The following CCDC180 variants were observed in gnomAD, a reference collection of about 807,000 sequenced individuals.
CCDC180 encodes coiled-coil domain containing 180, also known as coiled-coil domain-containing protein 180.
Under a neutral mutation model 209.2 loss-of-function variants are expected in CCDC180, and 154 were observed. The observed-to-expected ratio is 0.74, with a 90% CI of 0.65 to 0.84. The LOEUF (loss-of-function observed/expected upper bound fraction) is 0.84. Among genes scored for constraint, CCDC180 ranks in the 40% least tolerant of loss-of-function variants. The probability of loss-of-function intolerance (pLI) is 0.00; values close to 1 mark genes in which losing one functional copy is unlikely to be tolerated. For missense variants in CCDC180, 1,874 were observed against 1,997.3 expected (o/e 0.94, Z 1.18); for synonymous variants, 778 against 749.1 (o/e 1.04, Z -0.63).
At chr9:97,343,639 AAGGATTGGGCTGGTATCAGTTGGATAAAG>A in intron 19 of CCDC180, 76 bp downstream of exon 19, 1 of 1,128,236 alleles carries the variant, frequency 8.9e-7, no homozygotes, top group Non-Finnish European at 1.3e-6. Context: ...AAAAAAAAAA[AAGGATTGGGCTGGTATCAGTTGGATAAAG>A]AAAAAAATGT....
chr9:97,327,598 A>G (rs545546952), intron 15 of CCDC180, among the ~76,000 whole-genome samples: 1 of 152,296 alleles, frequency 6.6e-6, no homozygotes, highest in East Asian at 1.9e-4. Context: ...TGATTGCAGT[A>G]CTTAGATTCA....
At chr9:97,317,561 T>C (rs1253368564) in intron 9 of CCDC180, among the ~76,000 whole-genome samples, 1 of 152,170 alleles carries the variant, frequency 6.6e-6, no homozygotes, top group African/African-American at 2.4e-5. Context: ...CATCCAATTA[T>C]CTGTATAATT....
intron 22 of CCDC180, among the ~76,000 whole-genome samples, chr9:97,351,243 A>G (rs1362889039): frequency 6.6e-6 from 1 of 152,222 alleles, no homozygotes; most frequent in South Asian, 2.1e-4. Context: ...CTGTTTCCAC[A>G]GCAGCTGCGC....
At chr9:97,310,569 G>C (rs1043445809) in intron 3 of CCDC180, among the ~76,000 whole-genome samples, 1 of 151,472 alleles carries the variant, frequency 6.6e-6, no homozygotes, top group Non-Finnish European at 1.5e-5. Flanking sequence ...TGGAGCAGGC[G>C]CGGTGCTCCC....
At chr9:97,323,677 G>T (rs1489211703) in intron 12 of CCDC180, 104 bp from the exon 13 acceptor site, 1 of 1,330,940 alleles carries the variant, frequency 7.5e-7, no homozygotes, top group Admixed American at 2.7e-5. Flanking sequence ...CCTTCACCTG[G>T]AGCTCAGGTC....
chr9:97,357,914 G>A, intron 25 of CCDC180, 189 bp downstream of exon 25: 1 of 525,712 alleles, frequency 1.9e-6, no homozygotes, highest in Non-Finnish European at 3.3e-6. Flanking sequence ...AGAGAAAGCA[G>A]CCACTGTTCA....
At chr9:97,343,207 A>T in intron 18 of CCDC180, 133 bp from the exon 19 acceptor site, 2 of 579,142 alleles carry the variant, frequency 3.5e-6, no homozygotes, top group Non-Finnish European at 6.1e-6. Context: ...GGGCGAAAAA[A>T]CCTAGGCAAG....
At chr9:97,326,408 T>C (rs1833535350) in intron 14 of CCDC180, 146 bp from the exon 15 acceptor site, 3 of 649,902 alleles carry the variant, frequency 4.6e-6, no homozygotes, top group Admixed American at 4.7e-5. Flanking sequence ...GGTGGCAGAT[T>C]GGGTACCCCA....
At chr9:97,316,948 T>G (rs1010817378) in intron 8 of CCDC180, 117 bp from the exon 9 acceptor site, 9 of 951,258 alleles carry the variant, frequency 9.5e-6, no homozygotes, top group African/African-American at 1.6e-5. Context: ...CCACCCCACT[T>G]GGCCCTCACC....
rs148634749 is a variant in CCDC180 at position 97,339,041 on chromosome 9, C to A, written c.2275-4299C>A. ...TCTTCCTCCATCCCTTTATTTTGAG[C>A]CTATGTGTGTCTCTGCACGTGAGAT... On this transcript the variant is annotated intron_variant, in intron 18 of 36. Coordinates refer to ENST00000529487, the MANE Select transcript of CCDC180 (RefSeq NM_020893.6). 8.0e-3 allele frequency among the ~76,000 whole-genome samples: 1,216 copies of A among 152,120 alleles called. 13 individuals are homozygous for A. The highest frequency in any genetic ancestry group is 0.028 in the African/African-American group (1,156 of 41,478).
intron 9 of CCDC180, among the ~76,000 whole-genome samples, chr9:97,317,661 G>A (rs577798580): frequency 3.9e-5 from 6 of 152,272 alleles, no homozygotes; most frequent in African/African-American, 1.4e-4. Flanking sequence ...CTCTTGGGGA[G>A]CGTGTTTCCT....
chr9:97,314,647 C>T lies in CCDC180; in HGVS notation c.618C>T (p.Ala206=), dbSNP rs199694770. The change falls in exon 7 of 37, where the codon GCC becomes GCT. Residue 206 remains alanine, a synonymous_variant. Transcript: ENST00000529487. ...TGCTGGAGCTGTGGGATAAGGTGGC[C>T]GGGCGGTTACTGCTCCGGAAGCAGG... ...QALLELWDKV[A]GRLLLRKQEI... 27 of 1,613,910 alleles carry T rather than the reference C, an allele frequency of 1.7e-5. No individual in the cohort carries two copies. Among genetic ancestry groups the T allele is most frequent in the East Asian group, 4.5e-5 (2 of 44,878 alleles).
rs773527416 is a variant in CCDC180, at chr9:97,317,185, A to T, written c.916A>T (p.Thr306Ser). Residue 306 changes from threonine to serine, a missense_variant, in exon 9 of 37, where the codon ACC becomes TCC. Transcript: ENST00000529487. ...CCACCGCTGGCAAGGCTTGGTGGAC[A>T]CCTGGAAGGCTCTCAAGAAGGAGGC... Reference protein sequence around the residue: ...SRHRWQGLVDTWKALKKEALL... With the variant: ...SRHRWQGLVDSWKALKKEALL... 2.5e-6 allele frequency: 4 copies of T among 1,611,664 alleles called. No individual in the cohort carries two copies. The South Asian group carries it at 4.4e-5, about 18-fold the overall frequency.
rs773725438 is a variant in CCDC180, at chr9:97,365,466, A to G, written c.3981-207A>G. ...GCTGAGCTGGGGTCTGAGGAAGGGCAGGAACAAATACAACCAAGAAGAGAA... is the reference window on the plus strand; with the variant it reads ...GCTGAGCTGGGGTCTGAGGAAGGGCGGGAACAAATACAACCAAGAAGAGAA... On this transcript the variant is annotated intron_variant, in intron 29 of 36. Coordinates refer to ENST00000529487, the MANE Select transcript of CCDC180 (RefSeq NM_020893.6). 4.2e-4 allele frequency: 228 copies of G among 542,716 alleles called. 1 individual carries two copies. Among genetic ancestry groups the G allele is most frequent in the Non-Finnish European group, 6.2e-4 (186 of 302,422 alleles). 33.6% of individuals were successfully genotyped at this position (542,716 alleles called of 1,614,324 possible).
At chr9:97,323,388 C>T (rs1833419605) in intron 12 of CCDC180, among the ~76,000 whole-genome samples, 1 of 152,182 alleles carries the variant, frequency 6.6e-6, no homozygotes, top group Admixed American at 6.5e-5. Context: ...GCACCCTGCC[C>T]ACTGCATAAC....
chr9:97,312,684 A>T (rs1306004373), intron 4 of CCDC180, among the ~76,000 whole-genome samples: 1 of 110,124 alleles, frequency 9.1e-6, no homozygotes, highest in Non-Finnish European at 1.9e-5. Flanking sequence ...ACCAGCCCCC[A>T]CCCCAACCCA....
At chr9:97,355,304 G>A (rs996127963) in intron 24 of CCDC180, among the ~76,000 whole-genome samples, 1 of 151,978 alleles carries the variant, frequency 6.6e-6, no homozygotes, top group Admixed American at 6.6e-5. Context: ...ATAGGCACAC[G>A]CCACCATGCC....
intron 25 of CCDC180, 116 bp downstream of exon 25, chr9:97,357,841 T>TG: frequency 1.3e-6 from 1 of 758,454 alleles, no homozygotes; most frequent in Non-Finnish European, 2.1e-6. Context: ...GTTGGCGGGG[T>TG]GGGGGGACAT....
chr9:97,361,666 C>A, intron 26 of CCDC180, 60 bp from the exon 27 acceptor site: 4 of 1,562,734 alleles, frequency 2.6e-6, no homozygotes, highest in Non-Finnish European at 3.5e-6. Flanking sequence ...ATTCGGCCTG[C>A]TGCCTCGCTG....
Sources: allele counts gnomAD v4.1 joint callset (sites outside exome capture counted in the v4.1 genomes callset), GRCh38; gene constraint gnomAD v4.1.1; transcripts MANE v1.5; gene names NCBI Gene and HGNC (gene_info 2026-07-23, HGNC 2026-07-21).